Variants in AFF4 observed in about 807,000 individuals in gnomAD.
AFF4 encodes the protein AF4/FMR2 family member 4.
In AFF4, 13 loss-of-function variants were observed where a neutral mutation model predicts 124.8. The ratio of observed to expected loss-of-function variants is 0.10; its 90% CI spans 0.07 to 0.17. The LOEUF is 0.17. Among genes scored for constraint, AFF4 ranks in the 10% least tolerant of loss-of-function variants. The probability of loss-of-function intolerance (pLI) is 1.00; values close to 1 mark genes in which losing one functional copy is unlikely to be tolerated. For missense variants in AFF4, 1,092 were observed against 1,403.8 expected (o/e 0.78, Z 3.55); for synonymous variants, 477 against 496.1 (o/e 0.96, Z 0.51).
intron 5 of AFF4, 102 bp from the exon 6 acceptor site, chr5:132,904,506 C>A: frequency 9.8e-7 from 1 of 1,022,062 alleles, no homozygotes; most frequent in Non-Finnish European, 1.4e-6. Flanking sequence ...CTTGAAAAAG[C>A]ACAGAAAGAA....
intron 1 of AFF4, among the ~76,000 whole-genome samples, chr5:132,951,957 T>C (rs1761852168): frequency 6.6e-6 from 1 of 152,228 alleles, no homozygotes; most frequent in South Asian, 2.1e-4. Context: ...ATCCTCAGCA[T>C]TATGAGGTTA....
At position 132,892,303 on chromosome 5, in the gene AFF4, C is replaced by T. The variant is rs760110732; in HGVS notation, c.2498G>A (p.Arg833Lys). ...DPKTEHGSRK[R>K]TISQSSSLKS... ...TAAGGAAGAAGACTGACTAATAGTC[C>T]TCTTCCGAGAGCCATGCTCTGTTTT... Residue 833 changes from arginine to lysine, a missense_variant, in exon 13 of 21, where the codon AGG becomes AAG. Coordinates refer to ENST00000265343, the MANE Select transcript of AFF4 (RefSeq NM_014423.4). 6.2e-7 allele frequency: 1 copy of T among 1,614,120 alleles called. No homozygotes were observed. Among genetic ancestry groups the T allele is most frequent in the South Asian group, 1.1e-5 (1 of 91,082 alleles).
intron 5 of AFF4, among the ~76,000 whole-genome samples, chr5:132,916,399 T>C (rs73788229): frequency 0.016 from 2,377 of 148,766 alleles, 70 homozygotes; most frequent in African/African-American, 0.055. Flanking sequence ...CCTGTTTCCA[T>C]AAATTTTTTT....
intron 1 of AFF4, among the ~76,000 whole-genome samples, chr5:132,946,100 G>GA (rs35643589): frequency 6.6e-6 from 1 of 151,920 alleles, no homozygotes; most frequent in Admixed American, 6.6e-5. Flanking sequence ...TTTAGTGAAA[G>GA]AAAAAAACCC....
intron 6 of AFF4, among the ~76,000 whole-genome samples, chr5:132,902,982 T>C (rs1366175101): frequency 1.3e-5 from 2 of 152,198 alleles, no homozygotes; most frequent in African/African-American, 2.4e-5. Context: ...AGCTTTATGC[T>C]GATATAGAAA....
In AFF4 at chr5:132,880,417, T is replaced by A. The variant is rs2150061001; in HGVS notation, c.*642A>T. 1 of 398,718 alleles carries A rather than the reference T, an allele frequency of 2.5e-6. No homozygotes were observed. The highest frequency in any genetic ancestry group is 4.4e-6 in the Non-Finnish European group (1 of 225,904). The allele number at this position is 398,718 out of a possible 1,614,324, so 24.7% of individuals were successfully genotyped here. Reference sequence around the variant, plus strand: ...TCAGACACATTTCATAGTACATACATGTAGAATGCCATTTTCTCATATTTA... The same window carrying A: ...TCAGACACATTTCATAGTACATACAAGTAGAATGCCATTTTCTCATATTTA... On this transcript the variant is annotated 3_prime_UTR_variant, in exon 21 of 21. Transcript: ENST00000265343.
Position 132,932,230 on chromosome 5 carries a change from G to C in AFF4, c.919-8C>G. 1.2e-6 allele frequency: 2 copies of C among 1,604,612 alleles called. No individual in the cohort carries two copies. The highest frequency in any genetic ancestry group is 1.7e-5 in the Admixed American group (1 of 58,344). On this transcript the variant is annotated splice_polypyrimidine_tract_variant and splice_region_variant and intron_variant, in intron 3 of 20. Transcript: ENST00000265343. ...ATCACCAGAAGCTGATGCCTTGAAA[G>C]AAAAAGCAGCACACATTAGATTTTT...
Position 132,896,678 on chromosome 5 carries a change from G to A in AFF4, c.1952C>T (p.Ser651Leu). Residue 651 changes from serine to leucine, a missense_variant, in exon 11 of 21, where the codon TCA becomes TTA. Physicochemically the swap from Ser to Leu is moderately radical, Grantham distance 145 (BLOSUM62 -2). Transcript: ENST00000265343. ...AAGGCTCTCACTTTCATCTGAATCTGAGGATGAGGTATCTGTTTCTATGAT... is the reference window on the plus strand; with the variant it reads ...AAGGCTCTCACTTTCATCTGAATCTAAGGATGAGGTATCTGTTTCTATGAT... ...REIIETDTSS[S>L]DSDESESLPP... 2.5e-6 allele frequency: 4 copies of A among 1,614,116 alleles called. No individual in the cohort carries two copies. The highest frequency in any genetic ancestry group is 3.4e-6 in the Non-Finnish European group (4 of 1,180,012).
intron 1 of AFF4, chr5:132,945,560 T>C (rs1363654410): frequency 1.3e-5 from 2 of 152,296 alleles, no homozygotes; most frequent in Non-Finnish European, 2.9e-5. Context: ...GAGACCAGCC[T>C]GGCCAACATA....
intron 5 of AFF4, among the ~76,000 whole-genome samples, chr5:132,914,052 A>G (rs1760853750): frequency 6.6e-6 from 1 of 151,864 alleles, no homozygotes. Context: ...ACATGGTGAA[A>G]CCCAGTCTCT....
chr5:132,929,158 C>T (rs1761246462), intron 4 of AFF4, among the ~76,000 whole-genome samples: 1 of 151,996 alleles, frequency 6.6e-6, no homozygotes, highest in Non-Finnish European at 1.5e-5. Context: ...AGGGAACACA[C>T]ACCTGAAGTT....
intron 5 of AFF4, chr5:132,926,705 T>TTC (rs1459372579): frequency 4.3e-4 from 58 of 135,866 alleles, no homozygotes; most frequent in African/African-American, 1.7e-3. Context: ...CCAAGCTTTT[T>TTC]TTTTTTTTTT....
At chr5:132,910,087 C>A (rs1760758918) in intron 5 of AFF4, among the ~76,000 whole-genome samples, 1 of 152,156 alleles carries the variant, frequency 6.6e-6, no homozygotes, top group Non-Finnish European at 1.5e-5. Context: ...TTGGTACAGG[C>A]AAAACACATT....
At chr5:132,888,285 T>C (rs1760167237) in intron 14 of AFF4, 125 bp from the exon 15 acceptor site, 1 of 714,068 alleles carries the variant, frequency 1.4e-6, no homozygotes, top group East Asian at 2.8e-5. Flanking sequence ...TACTAAGAAT[T>C]TGTTTCAGTA....
intron 4 of AFF4, among the ~76,000 whole-genome samples, chr5:132,931,265 C>T (rs574733557): frequency 3.0e-4 from 46 of 151,004 alleles, no homozygotes; most frequent in Non-Finnish European, 5.9e-4. Flanking sequence ...CCCATCTCTA[C>T]TAAAAATACA....
chr5:132,920,356 ATTT>A (rs71581351), intron 5 of AFF4, among the ~76,000 whole-genome samples: 30 of 125,790 alleles, frequency 2.4e-4, no homozygotes, highest in South Asian at 2.6e-4. Flanking sequence ...GCGGGCAAAC[ATTT>A]TTTTTTTTTT....
chr5:132,950,089 T>C (rs1488240249), intron 1 of AFF4, among the ~76,000 whole-genome samples: 2 of 152,010 alleles, frequency 1.3e-5, no homozygotes, highest in Admixed American at 6.5e-5. Flanking sequence ...CCCAGCACTC[T>C]GGGAGGCCGA....
At chr5:132,894,420 T>C (rs768126857) in intron 11 of AFF4, among the ~76,000 whole-genome samples, 2 of 152,214 alleles carry the variant, frequency 1.3e-5, no homozygotes, top group African/African-American at 2.4e-5. Flanking sequence ...GGCCCATCCA[T>C]TGCCAATGTT....
chr5:132,905,113 T>C (rs1193157072), intron 5 of AFF4, among the ~76,000 whole-genome samples: 2 of 151,788 alleles, frequency 1.3e-5, no homozygotes, highest in Non-Finnish European at 2.9e-5. Context: ...GATATTTCCA[T>C]GTCATTTTAC....
Sources: allele counts gnomAD v4.1 joint callset (sites outside exome capture counted in the v4.1 genomes callset), GRCh38; gene constraint gnomAD v4.1.1; transcripts MANE v1.5; gene names NCBI Gene and HGNC (gene_info 2026-07-23, HGNC 2026-07-21).